Variants in SH3D21 observed in about 807,000 individuals in gnomAD.
SH3D21 encodes SH3 domain-containing protein 21.
Under a neutral mutation model 82.1 loss-of-function variants are expected in SH3D21, and 83 were observed. The observed-to-expected ratio is 1.01, with a 90% confidence interval of 0.85 to 1.21. The LOEUF (loss-of-function observed/expected upper bound fraction) is 1.21. Ranked by LOEUF, SH3D21 falls within the 50% of genes most tolerant of loss-of-function variation. The probability of loss-of-function intolerance (pLI) is 0.00; values close to 1 mark genes in which losing one functional copy is unlikely to be tolerated. For synonymous variants in SH3D21, 383 were observed against 387.8 expected (o/e 0.99, Z 0.15); for missense variants, 980 against 962.1 (o/e 1.02, Z -0.25).
intron 10 of SH3D21, among the ~76,000 whole-genome samples, chr1:36,312,803 C>T (rs1356833449): frequency 4.6e-5 from 7 of 152,138 alleles, no homozygotes; most frequent in East Asian, 1.9e-4. Flanking sequence ...CTCCATCTCC[C>T]GGGTTCAAGC....
Position 36,308,185 on chromosome 1 carries a change from G to C in SH3D21, c.615G>C (p.Gly205=), listed in dbSNP as rs1465783186. ...CAGACGAGTTGGCGCTGCGGAGGGG[G>C]GACGTGGTAAAAGTACTCAGCAAGG... ...EAPDELALRR[G]DVVKVLSKTT... Residue 205 remains glycine (G), a synonymous_variant, in exon 8 of 16, where the codon GGG becomes GGC. Coordinates refer to ENST00000453908, the MANE Select transcript of SH3D21 (RefSeq NM_001162530.2). 1.2e-5 allele frequency: 18 copies of C among 1,545,580 alleles called. No homozygotes were observed. Among genetic ancestry groups the C allele is most frequent in the Non-Finnish European group, 1.5e-5 (17 of 1,143,848 alleles).
intron 10 of SH3D21, among the ~76,000 whole-genome samples, chr1:36,318,014 A>G (rs1293093970): frequency 4.6e-5 from 7 of 152,230 alleles, no homozygotes; most frequent in African/African-American, 1.4e-4. Context: ...GGTACAGCCA[A>G]ATCCCAGGTT....
downstream of SH3D21, chr1:36,322,650 A>T (rs1183838051): frequency 6.5e-7 from 1 of 1,546,062 alleles, no homozygotes; most frequent in East Asian, 2.4e-5. Flanking sequence ...GATGCTGATG[A>T]CGAGCAGGCA....
chr1:36,329,568 C>CCAGT (rs1646574307), downstream of SH3D21, among the ~76,000 whole-genome samples: 1 of 152,146 alleles, frequency 6.6e-6, no homozygotes, highest in Admixed American at 6.5e-5. Flanking sequence ...ATTGTGATGA[C>CCAGT]CAGTCCCCTC....
At chr1:36,308,777 G>T (rs1158547134) in intron 9 of SH3D21, among the ~76,000 whole-genome samples, 2 of 152,188 alleles carry the variant, frequency 1.3e-5, no homozygotes, top group Non-Finnish European at 2.9e-5. Flanking sequence ...AAAGTCAGGA[G>T]TTCAAGACTA....
downstream of SH3D21, chr1:36,323,049 G>A (rs377438130): frequency 1.1e-4 from 170 of 1,599,380 alleles, no homozygotes; most frequent in Non-Finnish European, 1.4e-4. Flanking sequence ...CTGCTCTGGG[G>A]GGCAGCTCCC....
At chr1:36,313,972 C>CTTTTTTTTTCTTTTTTTTTTTT (rs1646291499) in intron 10 of SH3D21, among the ~76,000 whole-genome samples, 1 of 36,784 alleles carries the variant, frequency 2.7e-5, no homozygotes, top group Non-Finnish European at 5.4e-5. Context: ...AACATATTTT[C>CTTTTTTTTTCTTTTTTTTTTTT]TTTTTTTTTT....
In SH3D21 at chr1:36,319,143, C is replaced by T. The variant is rs1015032476; in HGVS notation, c.842C>T (p.Thr281Ile). ...ACAGTCAAGAAGCTAGCAACAGCCA[C>T]CACTGGGCCCAGCAAAGCCAAGTAA... ...LPTVKKLATA[T>I]TGPSKAKTSR... Residue 281 changes from threonine (T) to isoleucine (I), a missense_variant, in exon 11 of 16, where the codon ACC (threonine) becomes ATC (isoleucine). Transcript: ENST00000453908. The T allele has an allele frequency of 2.6e-6, 4 of 1,551,510 alleles. No individual in the cohort carries two copies. The highest frequency in any genetic ancestry group is 3.5e-6 in the Non-Finnish European group (4 of 1,146,920).
chr1:36,318,630 G>A (rs12024608), intron 10 of SH3D21, among the ~76,000 whole-genome samples: 14 of 151,916 alleles, frequency 9.2e-5, no homozygotes, highest in East Asian at 7.7e-4. Context: ...AAAATTGGCC[G>A]GGCGCAGTGG....
downstream of SH3D21, chr1:36,322,677 C>A: frequency 6.5e-7 from 1 of 1,547,188 alleles, no homozygotes; most frequent in Non-Finnish European, 8.7e-7. Context: ...GAGCAGCAGG[C>A]CGAAGCAGAC....
Position 36,307,263 on chromosome 1 carries a change from A to G in SH3D21, c.323A>G (p.Glu108Gly). 1 of 1,551,756 alleles carries G rather than the reference A, an allele frequency of 6.4e-7. No individual in the cohort carries two copies. Among genetic ancestry groups the G allele is most frequent in the Non-Finnish European group, 8.7e-7 (1 of 1,147,012 alleles). ...GACGAGCTGAAGCTGCAAGCTGGGG[A>G]GATCGTGGAAATGATAAAGGAGGTG... Reference protein sequence around the residue: ...QADELKLQAGEIVEMIKEIED... With the variant: ...QADELKLQAGGIVEMIKEIED... Residue 108 changes from glutamate (E) to glycine (G), a missense_variant, in exon 4 of 16, where the codon GAG (glutamate) becomes GGG (glycine). Glu to Gly is a moderately conservative substitution (Grantham distance 98). Coordinates refer to ENST00000453908, the MANE Select transcript of SH3D21 (RefSeq NM_001162530.2). The surrounding 1 kb of genome is among the most constrained non-coding windows in gnomAD (Gnocchi z 5.4).
chr1:36,322,855 C>G, downstream of SH3D21: 1 of 1,516,270 alleles, frequency 6.6e-7, no homozygotes, highest in Non-Finnish European at 9.0e-7. Flanking sequence ...TAGGGAACCG[C>G]CAGCGGGCAA....
chr1:36,320,323 C>G lies in SH3D21; in HGVS notation c.1660C>G (p.Leu554Val), dbSNP rs151143688. The G allele has an allele frequency of 2.0e-5, 32 of 1,612,950 alleles. No individual in the cohort carries two copies. In the African/African-American group the frequency reaches 3.9e-4, roughly 20 times the overall value. ...GTGCCTGGGAGAGATGAAATGTACC[C>G]TAGTTAGAGGGGACAGCTCCCCACG... ...ERCLGEMKCT[L>V]VRGDSSPRQA... Residue 554 changes from leucine (L) to valine (V), a missense_variant, in exon 14 of 16, where the codon CTA becomes GTA. Coordinates refer to ENST00000453908, the MANE Select transcript of SH3D21 (RefSeq NM_001162530.2).
chr1:36,310,057 C>G (rs10908294), intron 10 of SH3D21, among the ~76,000 whole-genome samples: 114,962 of 151,920 alleles, frequency 0.76, 45,881 homozygotes, highest in Non-Finnish European at 0.87. Flanking sequence ...TGGGTTCACA[C>G]CATTCTTCTG....
At chr1:36,313,408 C>T (rs886669186) in intron 10 of SH3D21, among the ~76,000 whole-genome samples, 9 of 151,828 alleles carry the variant, frequency 5.9e-5, no homozygotes, top group Non-Finnish European at 7.4e-5. Context: ...GTAAATTCAT[C>T]TTGCCATATT....
chr1:36,321,337 C>T lies in SH3D21; in HGVS notation c.*210C>T. 7.0e-7 allele frequency: 1 copy of T among 1,421,420 alleles called. No individual in the cohort carries two copies. The highest frequency in any genetic ancestry group is 9.2e-7 in the Non-Finnish European group (1 of 1,091,308). 88.1% of individuals were successfully genotyped at this position (1,421,420 alleles called of 1,614,324 possible). A position where few individuals can be genotyped will look rare whatever the true frequency, so the allele number is the denominator to read the frequency against. On this transcript the variant is annotated 3_prime_UTR_variant, in exon 16 of 16. Coordinates refer to ENST00000453908, the MANE Select transcript of SH3D21 (RefSeq NM_001162530.2). The surrounding 1 kb of genome is among the most constrained non-coding windows in gnomAD (Gnocchi z 6.1). Reference sequence around the variant, plus strand: ...GCACATCTGGCCAACATGTGGCTCCCATTACCGTTCCCAAGGCCTGCGCGC... The same window carrying T: ...GCACATCTGGCCAACATGTGGCTCCTATTACCGTTCCCAAGGCCTGCGCGC...
At chr1:36,322,083 C>A (rs1646472787), downstream of SH3D21, 1 of 1,357,036 alleles carries the variant, frequency 7.4e-7, no homozygotes, top group East Asian at 2.9e-5. Context: ...TCATCGACCC[C>A]AGAGAGGGAG....
downstream of SH3D21, chr1:36,322,129 G>A: frequency 7.4e-7 from 1 of 1,353,522 alleles, no homozygotes; most frequent in South Asian, 1.7e-5. Flanking sequence ...CCCGCCCCCG[G>A]GGTCTTCTGG....
At chr1:36,322,946 C>G (rs778732234), downstream of SH3D21, 1 of 1,606,800 alleles carries the variant, frequency 6.2e-7, no homozygotes, top group Non-Finnish European at 8.5e-7. Flanking sequence ...GTTCAGGCCC[C>G]CAGTCTTCCG....
Sources: allele counts gnomAD v4.1 joint callset (sites outside exome capture counted in the v4.1 genomes callset), GRCh38; gene constraint gnomAD v4.1.1; non-coding constraint Gnocchi (gnomAD v3.1); transcripts MANE v1.5; gene names NCBI Gene and HGNC (gene_info 2026-07-23, HGNC 2026-07-21).